Variants in ZC3H12B observed in about 807,000 individuals in gnomAD.
The protein encoded by ZC3H12B is probable ribonuclease ZC3H12B.
ZC3H12B carries 7 observed loss-of-function variants against 43.9 expected under a neutral mutation model. The ratio of observed to expected loss-of-function variants is 0.16; its 90% CI spans 0.09 to 0.30. ZC3H12B has a LOEUF of 0.30. ZC3H12B is among the 10% of genes least tolerant of loss of function. The pLI is 1.00. For synonymous variants in ZC3H12B, 222 were observed against 241.7 expected, an observed-to-expected ratio of 0.92 and a Z score of 0.76; for missense variants, 475 against 670.2, an observed-to-expected ratio of 0.71 and a Z score of 3.22.
chrX:65,245,209 T>G, the ZC3H12B span, among the ~76,000 whole-genome samples: 1 of 111,661 alleles, frequency 9.0e-6, no homozygotes, highest in African/African-American at 3.3e-5. Flanking sequence ...ATTGAGTCCC[T>G]GAACAGACCA....
At chrX:65,493,871 C>CA (rs774611109) in intron 1 of ZC3H12B, among the ~76,000 whole-genome samples, 19 of 110,203 alleles carry the variant, frequency 1.7e-4, no homozygotes, top group Admixed American at 5.8e-4. Context: ...TCTTTTTTTT[C>CA]AAAAAAAATT....
the ZC3H12B span, among the ~76,000 whole-genome samples, chrX:65,158,508 T>G: frequency 8.9e-6 from 1 of 112,290 alleles, no homozygotes; most frequent in Non-Finnish European, 1.9e-5. Context: ...TGATTTGCAT[T>G]TCTCTGATGG....
chrX:65,070,198 G>A, the ZC3H12B span, among the ~76,000 whole-genome samples: 3 of 110,425 alleles, frequency 2.7e-5, no homozygotes, highest in Non-Finnish European at 5.7e-5. Flanking sequence ...GTAATTTATC[G>A]ATTTCTTCTA....
At chrX:65,129,926 AT>A in the ZC3H12B span, among the ~76,000 whole-genome samples, 1 of 111,131 alleles carries the variant, frequency 9.0e-6, no homozygotes, top group Admixed American at 9.5e-5. Context: ...ATGTAGAATT[AT>A]TGGTGATGGT....
the ZC3H12B span, among the ~76,000 whole-genome samples, chrX:65,239,562 C>T: frequency 9.0e-6 from 1 of 111,569 alleles, no homozygotes; most frequent in East Asian, 2.8e-4. Flanking sequence ...TTAATTAGGG[C>T]ATTTCTCCCA....
At chrX:65,363,691 C>A (rs1016187552), upstream of ZC3H12B, among the ~76,000 whole-genome samples, 30 of 111,638 alleles carry the variant, frequency 2.7e-4, no homozygotes, top group African/African-American at 9.8e-4. Flanking sequence ...GGGACTGCAC[C>A]CTGTAGCCTT....
intron 3 of ZC3H12B, among the ~76,000 whole-genome samples, chrX:65,437,527 TG>T (rs1390027130): frequency 7.3e-4 from 82 of 112,707 alleles, no homozygotes; most frequent in African/African-American, 2.4e-3. Context: ...TATGTCTGTT[TG>T]GCATTTGTAT....
chrX:65,165,490 T>G, the ZC3H12B span, among the ~76,000 whole-genome samples: 2 of 112,201 alleles, frequency 1.8e-5, no homozygotes, highest in Non-Finnish European at 3.8e-5. Flanking sequence ...CCATGTGTTC[T>G]CATTGTTCAG....
At chrX:65,103,521 G>A in the ZC3H12B span, among the ~76,000 whole-genome samples, 11 of 111,895 alleles carry the variant, frequency 9.8e-5, no homozygotes, top group Admixed American at 4.8e-4. Flanking sequence ...AAGATGACAG[G>A]ATTAAGAGAT....
the ZC3H12B span, among the ~76,000 whole-genome samples, chrX:65,344,505 C>A: frequency 8.9e-6 from 1 of 112,219 alleles, no homozygotes; most frequent in South Asian, 3.7e-4. Context: ...ACTTGGATAA[C>A]TGGCAATCCA....
chrX:65,506,854 A>C (rs915660716), exon 5 of ZC3H12B: 8 of 110,775 alleles, frequency 7.2e-5, no homozygotes, highest in Non-Finnish European at 1.1e-4. Flanking sequence ...ACTCTCTCTT[A>C]AGGTGCCAGG....
At chrX:65,154,967 G>GTT in the ZC3H12B span, among the ~76,000 whole-genome samples, 69 of 102,153 alleles carry the variant, frequency 6.8e-4, no homozygotes, top group Non-Finnish European at 9.0e-4. Context: ...GTTTGCTAAG[G>GTT]TTTTTTTTTT....
chrX:65,411,656 G>A (rs1025019764), intron 3 of ZC3H12B, among the ~76,000 whole-genome samples: 1 of 110,168 alleles, frequency 9.1e-6, no homozygotes, highest in Non-Finnish European at 1.9e-5. Flanking sequence ...AACCCAGGAG[G>A]CAGAGGTTGC....
At chrX:65,279,298 A>AT in the ZC3H12B span, among the ~76,000 whole-genome samples, 10,167 of 79,063 alleles carry the variant, frequency 0.13, 1,219 homozygotes, top group African/African-American at 0.46. Flanking sequence ...CCTTACCAGC[A>AT]TTTTTTTTTT....
At chrX:65,118,034 TG>T in the ZC3H12B span, among the ~76,000 whole-genome samples, 2 of 111,837 alleles carry the variant, frequency 1.8e-5, no homozygotes, top group Non-Finnish European at 3.8e-5. Context: ...AGGATTGTCT[TG>T]GCAATGTGGG....
the ZC3H12B span, among the ~76,000 whole-genome samples, chrX:65,190,954 T>C: frequency 4.2e-5 from 4 of 95,943 alleles, no homozygotes; most frequent in Non-Finnish European, 8.0e-5. Flanking sequence ...ATAGCTCTTA[T>C]TATTTTGAAA....
the ZC3H12B span, among the ~76,000 whole-genome samples, chrX:65,122,903 C>G: frequency 6.3e-5 from 7 of 111,574 alleles, no homozygotes; most frequent in African/African-American, 1.6e-4. Context: ...TAGAGACCTA[C>G]AAAGAGACTT....
At chrX:65,351,507 A>T in the ZC3H12B span, among the ~76,000 whole-genome samples, 5 of 112,596 alleles carry the variant, frequency 4.4e-5, no homozygotes, top group African/African-American at 1.6e-4. Context: ...CAGCAAAAGA[A>T]ACTATCATCA....
chrX:65,348,301 G>C, the ZC3H12B span, among the ~76,000 whole-genome samples: 1 of 111,127 alleles, frequency 9.0e-6, no homozygotes, highest in Non-Finnish European at 1.9e-5. Flanking sequence ...TCTTTTACAG[G>C]GAAGCAAATG....
Sources: gnomAD v4.1 joint callset for allele counts (sites outside exome capture counted in the v4.1 genomes callset) on GRCh38, gnomAD v4.1.1 for gene constraint, MANE v1.5 for transcripts, NCBI Gene and HGNC (gene_info 2026-07-23, HGNC 2026-07-21) for gene names.